CSNK1D: variants seen among roughly 807,000 people sequenced by gnomAD.
The protein encoded by CSNK1D is casein kinase 1 delta.
CSNK1D carries 16 observed loss-of-function variants against 46.6 expected under a neutral mutation model. That is an observed-to-expected ratio of 0.34 (90% CI 0.23 to 0.52). The LOEUF (loss-of-function observed/expected upper bound fraction) is 0.52, where lower values mean the gene tolerates loss of function less well. CSNK1D is among the 20% of genes least tolerant of loss of function. The pLI is 0.95. For synonymous variants in CSNK1D, 276 were observed against 228.2 expected (o/e 1.21, Z -1.89); for missense variants, 398 against 578.4 (o/e 0.69, Z 3.20).
chr17:82,245,471 C>T (rs943020546), intron 8 of CSNK1D: 33 of 212,172 alleles, frequency 1.6e-4, no homozygotes, highest in Middle Eastern at 2.1e-3. Flanking sequence ...ATAAATGAGA[C>T]AGGAAGAGAG....
chr17:82,258,743 G>C (rs1218287892), intron 2 of CSNK1D, among the ~76,000 whole-genome samples: 1 of 152,076 alleles, frequency 6.6e-6, no homozygotes, highest in Non-Finnish European at 1.5e-5. Flanking sequence ...TTCTGCCCCA[G>C]CCCTGGAATC....
chr17:82,252,690 C>T lies in CSNK1D; in HGVS notation c.566-86G>A. On this transcript the variant is annotated intron_variant, in intron 4 of 8. Transcript: ENST00000314028. This position sits in a 1 kb window ranked among gnomAD's most constrained non-coding sequence, Gnocchi z 4.6. The stretch of plus-strand genomic sequence containing the variant: ...ACCCGGCTGGCCGTTCCAGTGGAGA[C>T]TAGCCTCAGACACACATGCCCAGAT... 7.3e-7 allele frequency: 1 copy of T among 1,377,564 alleles called. No homozygotes were observed. The highest frequency in any genetic ancestry group is 1.2e-5 in the South Asian group (1 of 81,704). 85.3% of individuals were successfully genotyped at this position (1,377,564 alleles called of 1,614,324 possible). A position where few individuals can be genotyped will look rare whatever the true frequency, so the allele number is the denominator to read the frequency against.
intron 8 of CSNK1D, chr17:82,246,697 C>A: frequency 2.0e-6 from 2 of 994,592 alleles, no homozygotes; most frequent in Non-Finnish European, 2.4e-6. Flanking sequence ...ACGTGGTCTT[C>A]CACCCATCCA....
At position 82,255,354 on chromosome 17, in the gene CSNK1D, G is replaced by A; in HGVS notation, c.336+75C>T. The A allele has an allele frequency of 1.3e-6, 2 of 1,549,290 alleles. No homozygotes were observed. Among genetic ancestry groups the A allele is most frequent in the South Asian group, 2.2e-5 (2 of 89,720 alleles). On this transcript the variant is annotated intron_variant, in intron 3 of 8. Coordinates refer to ENST00000314028, the MANE Select transcript of CSNK1D (RefSeq NM_001893.6). This position sits in a 1 kb window ranked among gnomAD's most constrained non-coding sequence, Gnocchi z 5.9. ...CTGTGAATTAATGGCCATAATAATG[G>A]CAAGAACAGCACAAGCGAGTGGCTG... is the stretch of plus-strand genomic sequence containing the variant.
intron 2 of CSNK1D, chr17:82,265,480 A>G (rs2051445378): frequency 5.1e-6 from 3 of 592,006 alleles, no homozygotes; most frequent in Admixed American, 2.5e-5. Flanking sequence ...TGCCCGGCCC[A>G]TAAGATGTTT....
At position 82,252,924 on chromosome 17, in the gene CSNK1D, C is replaced by T; in HGVS notation, c.565+92G>A. 2.5e-6 allele frequency: 3 copies of T among 1,205,676 alleles called. No individual in the cohort carries two copies. Among genetic ancestry groups the T allele is most frequent in the African/African-American group, 1.5e-5 (1 of 66,772 alleles). The allele number at this position is 1,205,676 out of a possible 1,614,324, so 74.7% of individuals were successfully genotyped here. A position where few individuals can be genotyped will look rare whatever the true frequency, so the allele number is the denominator to read the frequency against. The stretch of plus-strand genomic sequence containing the variant: ...AAGGTCTGATGACACGCTTGCAGCC[C>T]CAGCTCCCCGAGAGGCTGGCCTCTC... On this transcript the variant is annotated intron_variant, in intron 4 of 8. Coordinates refer to ENST00000314028, the MANE Select transcript of CSNK1D (RefSeq NM_001893.6). This position sits in a 1 kb window ranked among gnomAD's most constrained non-coding sequence, Gnocchi z 4.6.
Position 82,252,057 on chromosome 17 carries a change from T to C in CSNK1D, c.736+377A>G, listed in dbSNP as rs1568562877. ...ATTTGAGGTGTGTATCCTGGGGCAA[T>C]CCTACAAATGCAAAGGAAATCTCCC... is the stretch of plus-strand genomic sequence containing the variant. On this transcript the variant is annotated intron_variant, in intron 5 of 8. Transcript: ENST00000314028. The surrounding 1 kb of genome is among the most constrained non-coding windows in gnomAD (Gnocchi z 4.6). Among the ~76,000 whole-genome samples the C allele has an allele frequency of 6.6e-6, 1 of 151,556 alleles. No individual in the cohort carries two copies. The highest frequency in any genetic ancestry group is 1.9e-4 in the East Asian group (1 of 5,152).
rs530570910 is a variant in CSNK1D at position 82,255,066 on chromosome 17, G to A, written c.336+363C>T. The A allele has an allele frequency of 5.0e-3, 1,837 of 369,112 alleles. 13 individuals carry two copies. Among genetic ancestry groups the A allele is most frequent in the African/African-American group, 0.038 (1,616 of 43,028 alleles). The allele number at this position is 369,112 out of a possible 1,614,324, so 22.9% of individuals were successfully genotyped here. A position where few individuals can be genotyped will look rare whatever the true frequency, so the allele number is the denominator to read the frequency against. On this transcript the variant is annotated intron_variant, in intron 3 of 8. Transcript: ENST00000314028. The surrounding 1 kb of genome is among the most constrained non-coding windows in gnomAD (Gnocchi z 5.9). ...CGAGAAGCCAGTGAGCTGAGCCGCC[G>A]GAGCCTCGAGAAGCCAGTGAGCTGG...
In CSNK1D at chr17:82,251,770, C is replaced by T; in HGVS notation, c.737-243G>A. ...CTCTAGGAGGCTGAGGAGGGCGGAT[C>T]ACGAGGTCAGGAGATCAAGACCATC... On this transcript the variant is annotated intron_variant, in intron 5 of 8. Transcript: ENST00000314028. The surrounding 1 kb of genome is among the most constrained non-coding windows in gnomAD (Gnocchi z 4.5). The T allele has an allele frequency of 1.9e-6, 1 of 517,784 alleles. No individual in the cohort carries two copies. The highest frequency in any genetic ancestry group is 1.9e-5 in the South Asian group (1 of 51,926). 32.1% of individuals were successfully genotyped at this position (517,784 alleles called of 1,614,324 possible).
Position 82,273,501 on chromosome 17 carries a change from C to T in CSNK1D, c.-120G>A. ...GCTCCCGGCTCCGCCCCCCTCACGGCCCCGCTTTCACCATCGCTTTCCTGT... is the reference window on the plus strand; with the variant it reads ...GCTCCCGGCTCCGCCCCCCTCACGGTCCCGCTTTCACCATCGCTTTCCTGT... On this transcript the variant is annotated 5_prime_UTR_variant, in exon 1 of 9. Transcript: ENST00000314028. The surrounding 1 kb of genome is among the most constrained non-coding windows in gnomAD (Gnocchi z 5.1). The T allele has an allele frequency of 8.0e-7, 1 of 1,243,152 alleles. No individual in the cohort carries two copies. Among genetic ancestry groups the T allele is most frequent in the Non-Finnish European group, 1.1e-6 (1 of 884,362 alleles). 77.0% of individuals were successfully genotyped at this position (1,243,152 alleles called of 1,614,324 possible).
chr17:82,240,764 G>C (rs1013661098), downstream of CSNK1D, among the ~76,000 whole-genome samples: 3 of 152,218 alleles, frequency 2.0e-5, no homozygotes, highest in Non-Finnish European at 4.4e-5. Flanking sequence ...CCAGATGTGG[G>C]AAGGCAGCCA....
chr17:82,273,624 C>T lies in CSNK1D; in HGVS notation c.-243G>A. 1 of 552,068 alleles carries T rather than the reference C, an allele frequency of 1.8e-6. No homozygotes were observed. 34.2% of individuals were successfully genotyped at this position (552,068 alleles called of 1,614,324 possible). A position where few individuals can be genotyped will look rare whatever the true frequency, so the allele number is the denominator to read the frequency against. On this transcript the variant is annotated 5_prime_UTR_variant, in exon 1 of 9. Coordinates refer to ENST00000314028, the MANE Select transcript of CSNK1D (RefSeq NM_001893.6). The surrounding 1 kb of genome is among the most constrained non-coding windows in gnomAD (Gnocchi z 5.1). ...CCTACCGGTCCCGCTTGCCCTCTCC[C>T]CGCCGCGGATGGACTCGGATCTTCC...
At chr17:82,245,864 C>T (rs927279432) in intron 8 of CSNK1D, 16 of 1,102,916 alleles carry the variant, frequency 1.5e-5, no homozygotes, top group Non-Finnish European at 1.9e-5. Flanking sequence ...CCTCACTCTA[C>T]CTCCAGCACC....
At position 82,249,299 on chromosome 17, in the gene CSNK1D, C is replaced by CCT; in HGVS notation, c.1057+130_1057+131dup. The CCT allele has an allele frequency of 9.7e-7, 1 of 1,028,590 alleles. No homozygotes were observed. The highest frequency in any genetic ancestry group is 1.4e-6 in the Non-Finnish European group (1 of 711,258). The allele number at this position is 1,028,590 out of a possible 1,614,324, so 63.7% of individuals were successfully genotyped here. ...CGCCTGGGCAGCCTGGCTCATCCACCCTCAGGAGCGAGCATCGCCTGACAC... is the reference window on the plus strand; with the variant it reads ...CGCCTGGGCAGCCTGGCTCATCCACCCTCTCAGGAGCGAGCATCGCCTGACAC... On this transcript the variant is annotated intron_variant, in intron 7 of 8. Transcript: ENST00000314028. This position sits in a 1 kb window ranked among gnomAD's most constrained non-coding sequence, Gnocchi z 6.7.
Position 82,255,412 on chromosome 17 carries a change from C to T in CSNK1D, c.336+17G>A, listed in dbSNP as rs763431194. ...CAGACAGCAAGTGTGTGCCAACTGT[C>T]AGGAAACAGTCCTTACCATTTGGTC... is the stretch of plus-strand genomic sequence containing the variant. On this transcript the variant is annotated intron_variant, in intron 3 of 8. Coordinates refer to ENST00000314028, the MANE Select transcript of CSNK1D (RefSeq NM_001893.6). The surrounding 1 kb of genome is among the most constrained non-coding windows in gnomAD (Gnocchi z 5.9). The T allele has an allele frequency of 1.2e-6, 2 of 1,614,070 alleles. No individual in the cohort carries two copies. Among genetic ancestry groups the T allele is most frequent in the East Asian group, 2.2e-5 (1 of 44,880 alleles).
intron 1 of CSNK1D, among the ~76,000 whole-genome samples, chr17:82,267,744 C>T (rs1257652115): frequency 6.6e-6 from 1 of 152,244 alleles, no homozygotes; most frequent in Non-Finnish European, 1.5e-5. Context: ...GGGAGGGTGA[C>T]TCATCCCACT....
Position 82,248,622 on chromosome 17 carries a change from C to A in CSNK1D, c.1197+253G>T. 7.4e-7 allele frequency: 1 copy of A among 1,350,856 alleles called. No individual in the cohort carries two copies. The highest frequency in any genetic ancestry group is 9.5e-7 in the Non-Finnish European group (1 of 1,047,398). The allele number at this position is 1,350,856 out of a possible 1,614,324, so 83.7% of individuals were successfully genotyped here. ...AGCAGGAGAAAGCCCCCACGGTTTG[C>A]TGGCCTCAGGGACCTGAGACCTGAG... On this transcript the variant is annotated intron_variant, in intron 8 of 8. Coordinates refer to ENST00000314028, the MANE Select transcript of CSNK1D (RefSeq NM_001893.6). The surrounding 1 kb of genome is among the most constrained non-coding windows in gnomAD (Gnocchi z 4.1).
rs1445739754 is a variant in CSNK1D at position 82,250,336 on chromosome 17, T to C, written c.886-734A>G. 3.5e-6 allele frequency: 2 copies of C among 571,094 alleles called. No homozygotes were observed. The highest frequency in any genetic ancestry group is 5.7e-6 in the Non-Finnish European group (2 of 349,120). The allele number at this position is 571,094 out of a possible 1,614,324, so 35.4% of individuals were successfully genotyped here. A position where few individuals can be genotyped will look rare whatever the true frequency, so the allele number is the denominator to read the frequency against. ...ACACACAGACCGACACACCTGCGGC[T>C]GCAGCACCGTGCGGCCAGCACCGCC... On this transcript the variant is annotated intron_variant, in intron 6 of 8. Coordinates refer to ENST00000314028, the MANE Select transcript of CSNK1D (RefSeq NM_001893.6). The surrounding 1 kb of genome is among the most constrained non-coding windows in gnomAD (Gnocchi z 4.6).
intron 3 of CSNK1D, 85 bp from the exon 4 acceptor site, chr17:82,253,329 C>T: frequency 9.5e-7 from 1 of 1,050,406 alleles, no homozygotes; most frequent in South Asian, 1.3e-5. Context: ...ACATCAGTGG[C>T]TGCATTGTTC....
Sources: gnomAD v4.1 joint callset for allele counts (sites outside exome capture counted in the v4.1 genomes callset) on GRCh38, gnomAD v4.1.1 for gene constraint, Gnocchi (gnomAD v3.1) non-coding constraint, MANE v1.5 for transcripts, NCBI Gene and HGNC (gene_info 2026-07-23, HGNC 2026-07-21) for gene names.